Variants in RIMBP2 observed in about 807,000 individuals in gnomAD.
RIMBP2 encodes RIMS-binding protein 2.
In RIMBP2, 48 loss-of-function variants were observed where a neutral mutation model predicts 118.6. The observed-to-expected ratio is 0.40, with a 90% CI of 0.32 to 0.51. The LOEUF is 0.51. RIMBP2 is among the 20% of genes least tolerant of loss of function. The pLI is 0.41. For synonymous variants in RIMBP2, 762 were observed against 742.9 expected, an observed-to-expected ratio of 1.03 and a Z score of -0.42; for missense variants, 1,551 against 1,768.3, an observed-to-expected ratio of 0.88 and a Z score of 2.20.
chr12:130,506,994 C>G (rs1232419302), intron 3 of RIMBP2, among the ~76,000 whole-genome samples: 1 of 152,148 alleles, frequency 6.6e-6, no homozygotes, highest in Admixed American at 6.5e-5. Flanking sequence ...CCCACCTCCA[C>G]CACAGCCTCA....
At position 130,420,069 on chromosome 12, in the gene RIMBP2, A is replaced by AT. The variant is rs1269345660; in HGVS notation, c.3238+2383dup. Among the ~76,000 whole-genome samples the AT allele has an allele frequency of 6.6e-6, 1 of 152,208 alleles. No homozygotes were observed. Among genetic ancestry groups the AT allele is most frequent in the East Asian group, 1.9e-4 (1 of 5,196 alleles). ...CCTTTGAAATATAGATTTCTAAAATATTGTTTTCTAGTATTTTCACAAGAA... is the reference window on the plus strand; with the variant it reads ...CCTTTGAAATATAGATTTCTAAAATATTTGTTTTCTAGTATTTTCACAAGAA... On this transcript the variant is annotated intron_variant, in intron 17 of 22. Coordinates refer to ENST00000690449, the MANE Select transcript of RIMBP2 (RefSeq NM_001393629.1). This position sits in a 1 kb window ranked among gnomAD's most constrained non-coding sequence, Gnocchi z 4.3.
At chr12:130,492,771 TG>T (rs1305956861) in intron 4 of RIMBP2, among the ~76,000 whole-genome samples, 1 of 152,164 alleles carries the variant, frequency 6.6e-6, no homozygotes, top group African/African-American at 2.4e-5. Context: ...GTTTATTGAA[TG>T]GCAACAAAAA....
At chr12:130,605,801 C>T (rs1566352509) in intron 2 of RIMBP2, among the ~76,000 whole-genome samples, 1 of 152,172 alleles carries the variant, frequency 6.6e-6, no homozygotes, top group Admixed American at 6.5e-5. Context: ...CAGTGGCCCA[C>T]ACCTGTAATC....
At chr12:130,461,419 C>T (rs983181457) in intron 6 of RIMBP2, among the ~76,000 whole-genome samples, 1 of 152,170 alleles carries the variant, frequency 6.6e-6, no homozygotes, top group Non-Finnish European at 1.5e-5. Flanking sequence ...CCAAAGGGGC[C>T]GGTGCCTCGG....
intron 2 of RIMBP2, among the ~76,000 whole-genome samples, chr12:130,561,084 C>T (rs1419147978): frequency 6.6e-6 from 1 of 152,204 alleles, no homozygotes; most frequent in Non-Finnish European, 1.5e-5. Context: ...GGTGATGCTT[C>T]TGCACGCCAA....
chr12:130,713,603 A>G (rs961273139), intron 1 of RIMBP2, among the ~76,000 whole-genome samples: 1 of 152,236 alleles, frequency 6.6e-6, no homozygotes, highest in African/African-American at 2.4e-5. Context: ...AGACCAGCAC[A>G]GCCGATCCGG....
At chr12:130,538,644 T>C (rs1178079116) in intron 2 of RIMBP2, among the ~76,000 whole-genome samples, 1 of 152,164 alleles carries the variant, frequency 6.6e-6, no homozygotes, top group South Asian at 2.1e-4. Flanking sequence ...TAAGCAAGTA[T>C]GTTTTCTGAA....
rs573010132 is a variant in RIMBP2 at position 130,620,904 on chromosome 12, C to A, written c.-217+7418G>T. Among the ~76,000 whole-genome samples the A allele has an allele frequency of 3.9e-5, 6 of 152,202 alleles. No individual in the cohort carries two copies. The highest frequency in any genetic ancestry group is 1.4e-4 in the African/African-American group (6 of 41,464). ...ACCCGCAGTCAACCACCCCACCCAGCAGTGGTGAGCACCTGGAACCTGCAG... is the reference window on the plus strand; with the variant it reads ...ACCCGCAGTCAACCACCCCACCCAGAAGTGGTGAGCACCTGGAACCTGCAG... On this transcript the variant is annotated intron_variant, in intron 2 of 22. Transcript: ENST00000690449. This position sits in a 1 kb window ranked among gnomAD's most constrained non-coding sequence, Gnocchi z 5.3.
intron 17 of RIMBP2, among the ~76,000 whole-genome samples, chr12:130,416,773 G>A (rs188098499): frequency 9.1e-4 from 138 of 152,210 alleles, no homozygotes; most frequent in African/African-American, 3.0e-3. Flanking sequence ...TCAACAGAGT[G>A]AACAACACCC....
intron 22 of RIMBP2, chr12:130,398,243 C>T (rs1394253344): frequency 6.6e-6 from 1 of 152,216 alleles, no homozygotes; most frequent in African/African-American, 2.4e-5. Context: ...AGGACGACTT[C>T]ACCTCGCTTC....
At chr12:130,538,816 G>T (rs975168044) in intron 2 of RIMBP2, among the ~76,000 whole-genome samples, 2 of 152,052 alleles carry the variant, frequency 1.3e-5, no homozygotes. Context: ...AGTGACAAAC[G>T]TGGCTTCCTG....
At chr12:130,701,449 G>A (rs370934048) in intron 1 of RIMBP2, among the ~76,000 whole-genome samples, 1 of 152,320 alleles carries the variant, frequency 6.6e-6, no homozygotes, top group African/African-American at 2.4e-5. Flanking sequence ...AGACACAAGG[G>A]TTCCAAAGAA....
chr12:130,515,322 C>T (rs1386837232), intron 3 of RIMBP2, among the ~76,000 whole-genome samples: 1 of 152,202 alleles, frequency 6.6e-6, no homozygotes, highest in East Asian at 1.9e-4. Context: ...CTCTAGAACT[C>T]TCTTCCTCTT....
At chr12:130,491,199 G>T (rs12811116) in intron 4 of RIMBP2, among the ~76,000 whole-genome samples, 11,554 of 152,176 alleles carry the variant, frequency 0.076, 673 homozygotes, top group Admixed American at 0.17. Context: ...CCATTTAATC[G>T]GCACAACAAC....
At chr12:130,569,295 AGAG>A (rs1566279346) in intron 2 of RIMBP2, among the ~76,000 whole-genome samples, 1 of 152,220 alleles carries the variant, frequency 6.6e-6, no homozygotes, top group African/African-American at 2.4e-5. Context: ...GGCAGCTTCC[AGAG>A]AAGAGAAAGC....
rs2076682046 is a variant in RIMBP2 at position 130,424,964 on chromosome 12, C to T, written c.2413-106G>A. The T allele has an allele frequency of 1.6e-6, 1 of 609,204 alleles. No individual in the cohort carries two copies. Among genetic ancestry groups the T allele is most frequent in the Non-Finnish European group, 2.4e-6 (1 of 420,410 alleles). 37.7% of individuals were successfully genotyped at this position (609,204 alleles called of 1,614,324 possible). Reference sequence around the variant, plus strand: ...ATACAGACAGAATTAGTCCTGGAGGCACCGAGGGGGGGGAAGCATGCGTCT... The same window carrying T: ...ATACAGACAGAATTAGTCCTGGAGGTACCGAGGGGGGGGAAGCATGCGTCT... On this transcript the variant is annotated intron_variant, in intron 15 of 22. Transcript: ENST00000690449. The surrounding 1 kb of genome is among the most constrained non-coding windows in gnomAD (Gnocchi z 9.8).
intron 2 of RIMBP2, among the ~76,000 whole-genome samples, chr12:130,616,750 G>A (rs1594055454): frequency 6.6e-6 from 1 of 152,188 alleles, no homozygotes. Flanking sequence ...GTGCTCTGGA[G>A]TCTCTCCAGT....
At chr12:130,676,448 C>A (rs1486834743) in intron 1 of RIMBP2, among the ~76,000 whole-genome samples, 1 of 151,442 alleles carries the variant, frequency 6.6e-6, no homozygotes, top group Admixed American at 6.6e-5. Context: ...CATGGTGAAA[C>A]CCCATCTCTA....
At chr12:130,400,365 G>A (rs2074411828) in intron 21 of RIMBP2, among the ~76,000 whole-genome samples, 1 of 152,212 alleles carries the variant, frequency 6.6e-6, no homozygotes, top group African/African-American at 2.4e-5. Context: ...GAAAGTGTCT[G>A]TTGATAACCT....
Sources: gnomAD v4.1 joint callset for allele counts (sites outside exome capture counted in the v4.1 genomes callset) on GRCh38, gnomAD v4.1.1 for gene constraint, Gnocchi (gnomAD v3.1) non-coding constraint, MANE v1.5 for transcripts, NCBI Gene and HGNC (gene_info 2026-07-23, HGNC 2026-07-21) for gene names.